Variants in CCDC171 observed in about 807,000 individuals in gnomAD.
CCDC171 encodes coiled-coil domain containing 171, also known as coiled-coil domain-containing protein 171.
A neutral mutation model predicts 168.2 loss-of-function variants in CCDC171; 177 were observed. The observed-to-expected ratio is 1.05, with a 90% confidence interval of 0.93 to 1.19. The LOEUF is 1.19. CCDC171 is among the 50% of genes most tolerant of loss of function. The pLI, the probability that CCDC171 is intolerant of heterozygous loss-of-function variation, is 0.00. For synonymous variants in CCDC171, 687 were observed against 540.8 expected (o/e 1.27, Z -3.75); for missense variants, 1,991 against 1,539.0 (o/e 1.29, Z -4.91).
intron 24 of CCDC171, among the ~76,000 whole-genome samples, chr9:15,893,865 G>A (rs982197655): frequency 1.6e-4 from 24 of 152,168 alleles, no homozygotes; most frequent in African/African-American, 5.3e-4. Flanking sequence ...AAGACAGCAT[G>A]GCGATTCCTC....
At chr9:15,891,365 T>A (rs1200103956) in intron 24 of CCDC171, among the ~76,000 whole-genome samples, 2 of 152,154 alleles carry the variant, frequency 1.3e-5, no homozygotes, top group Non-Finnish European at 2.9e-5. Flanking sequence ...TTCTGTAGCT[T>A]TTCTTTTTGC....
chr9:16,080,558 C>T, the CCDC171 span, among the ~76,000 whole-genome samples: 7 of 152,212 alleles, frequency 4.6e-5, no homozygotes, highest in African/African-American at 1.7e-4. Flanking sequence ...ATCTCCTTCT[C>T]TGTGACCTTC....
rs146042025 is a variant in CCDC171 at position 15,915,252 on chromosome 9, T to G, written c.3601-5018T>G. Among the ~76,000 whole-genome samples the G allele has an allele frequency of 8.8e-3, 1,335 of 152,326 alleles. 6 individuals carry two copies. The highest frequency in any genetic ancestry group is 0.015 in the Non-Finnish European group (1,005 of 68,034). ...TTTTAACGATATTAATCCTTCCAAT[T>G]CATGATCATTGGATATTTTTCCAAT... On this transcript the variant is annotated intron_variant, in intron 24 of 25. Coordinates refer to ENST00000380701, the MANE Select transcript of CCDC171 (RefSeq NM_173550.4).
intron 18 of CCDC171, among the ~76,000 whole-genome samples, chr9:15,767,004 A>T (rs553654363): frequency 8.5e-4 from 129 of 152,112 alleles, no homozygotes; most frequent in African/African-American, 2.7e-3. Context: ...AGTTTTTTTT[A>T]AAAATGCCAA....
At chr9:16,099,460 G>A in the CCDC171 span, among the ~76,000 whole-genome samples, 4 of 152,228 alleles carry the variant, frequency 2.6e-5, no homozygotes, top group South Asian at 2.1e-4. Flanking sequence ...ACAAGGGAGC[G>A]TGATGCAACC....
rs142073796 is a variant in CCDC171, at chr9:16,049,706, G to A, written n.89+6820G>A. Among the ~76,000 whole-genome samples, 48 of 152,148 alleles carry A rather than the reference G, an allele frequency of 3.2e-4. No individual in the cohort carries two copies. The East Asian group carries it at 8.7e-3, about 28-fold the overall frequency. ...ACAGAGCCACACTACCAGCATCCCC[G>A]GGTCTCCAGCTTGCAGATGGCCTGT... On this transcript the variant is annotated intron_variant and non_coding_transcript_variant, in intron 1 of 1. Coordinates refer to the CCDC171 transcript ENST00000478913.
At chr9:16,091,184 C>G in the CCDC171 span, among the ~76,000 whole-genome samples, 1 of 152,164 alleles carries the variant, frequency 6.6e-6, no homozygotes, top group African/African-American at 2.4e-5. Context: ...CTCCTTGAAC[C>G]CCTCCTCCAT....
intron 24 of CCDC171, among the ~76,000 whole-genome samples, chr9:15,898,771 A>G (rs948714355): frequency 2.0e-5 from 3 of 152,150 alleles, no homozygotes; most frequent in African/African-American, 7.2e-5. Flanking sequence ...TGTACGCTTT[A>G]TCCAGCTTTC....
chr9:15,656,336 AC>A (rs1458104065), intron 7 of CCDC171, among the ~76,000 whole-genome samples: 1 of 152,084 alleles, frequency 6.6e-6, no homozygotes, highest in African/African-American at 2.4e-5. Context: ...AAAAAAAAAA[AC>A]AAATCAATAT....
At chr9:15,983,817 A>AGTGTGTGTGTGTGTGTGTGTGT (rs58951910) in intron 3 of CCDC171, among the ~76,000 whole-genome samples, 1 of 142,532 alleles carries the variant, frequency 7.0e-6, no homozygotes, top group African/African-American at 2.6e-5. Flanking sequence ...AAATAAAGAG[A>AGTGTGTGTGTGTGTGTGTGTGT]GTGTGTGTGT....
intron 3 of CCDC171, among the ~76,000 whole-genome samples, chr9:15,994,354 C>T (rs1419448278): frequency 6.6e-6 from 1 of 152,144 alleles, no homozygotes; most frequent in Non-Finnish European, 1.5e-5. Flanking sequence ...CCAAACACCG[C>T]ATGTTCTCAC....
chr9:16,004,098 G>A (rs185454532), intron 3 of CCDC171, among the ~76,000 whole-genome samples: 61 of 152,332 alleles, frequency 4.0e-4, no homozygotes, highest in African/African-American at 1.2e-3. Context: ...ACACGCGGGA[G>A]TTTGTAGATG....
chr9:16,033,257 A>C (rs939959694), intron 6 of CCDC171, among the ~76,000 whole-genome samples: 1 of 152,164 alleles, frequency 6.6e-6, no homozygotes, highest in African/African-American at 2.4e-5. Flanking sequence ...CTGGGCCATA[A>C]ACTGGTACCA....
chr9:15,943,168 T>G, intron 25 of CCDC171, among the ~76,000 whole-genome samples: 1 of 152,066 alleles, frequency 6.6e-6, no homozygotes, highest in East Asian at 1.9e-4. Flanking sequence ...AGCTTTGTCT[T>G]TATTGTCACT....
chr9:15,930,979 C>G (rs1193847993), intron 25 of CCDC171, among the ~76,000 whole-genome samples: 1 of 151,538 alleles, frequency 6.6e-6, no homozygotes, highest in Non-Finnish European at 1.5e-5. Flanking sequence ...TTCAAAGCCT[C>G]TCTTCTAGCT....
At chr9:15,855,599 CTGTTT>C (rs1171939547) in intron 23 of CCDC171, among the ~76,000 whole-genome samples, 1 of 151,788 alleles carries the variant, frequency 6.6e-6, no homozygotes, top group Admixed American at 6.6e-5. Context: ...TGTGTTATAT[CTGTTT>C]TGTTCCTCAG....
At chr9:15,993,814 A>T (rs1832284589) in intron 3 of CCDC171, among the ~76,000 whole-genome samples, 1 of 152,258 alleles carries the variant, frequency 6.6e-6, no homozygotes, top group Non-Finnish European at 1.5e-5. Context: ...GAAGACATTC[A>T]TGCAGCCAAC....
At chr9:15,914,475 G>T (rs1003502621) in intron 24 of CCDC171, among the ~76,000 whole-genome samples, 20 of 152,102 alleles carry the variant, frequency 1.3e-4, no homozygotes, top group African/African-American at 4.8e-4. Flanking sequence ...TCAAGCCTCA[G>T]TAATGGTGGA....
chr9:15,575,383 A>C (rs2040566630), intron 3 of CCDC171, among the ~76,000 whole-genome samples: 1 of 152,182 alleles, frequency 6.6e-6, no homozygotes, highest in South Asian at 2.1e-4. Context: ...CATGTTGTCC[A>C]GGCTGGTCTT....
Sources: allele counts gnomAD v4.1 joint callset (sites outside exome capture counted in the v4.1 genomes callset), GRCh38; gene constraint gnomAD v4.1.1; transcripts MANE v1.5; gene names NCBI Gene and HGNC (gene_info 2026-07-23, HGNC 2026-07-21).